Variants in CLSTN3 observed in about 807,000 individuals in gnomAD.
The protein encoded by CLSTN3 is calsyntenin-3.
Under a neutral mutation model 95.9 loss-of-function variants are expected in CLSTN3, and 36 were observed. The observed-to-expected ratio is 0.38, with a 90% confidence interval of 0.29 to 0.50. The LOEUF (loss-of-function observed/expected upper bound fraction) is 0.50. Among genes scored for constraint, CLSTN3 ranks in the 20% least tolerant of loss-of-function variants. The pLI is 0.95. For missense variants in CLSTN3, 1,084 were observed against 1,268.8 expected (o/e 0.85, Z 2.21); for synonymous variants, 481 against 504.0 (o/e 0.95, Z 0.61).
intron 16 of CLSTN3, among the ~76,000 whole-genome samples, chr12:7,151,642 A>T (rs1325740892): frequency 1.3e-5 from 2 of 152,214 alleles, no homozygotes; most frequent in Non-Finnish European, 2.9e-5. Flanking sequence ...CTTCAAAGCA[A>T]CCTGGCCGTG....
chr12:7,131,406 G>T (rs754717669), intron 1 of CLSTN3: 23 of 220,144 alleles, frequency 1.0e-4, no homozygotes, highest in Non-Finnish European at 1.6e-4. Context: ...GTGGGTGTGT[G>T]GGGGGCGCTA....
intron 1 of CLSTN3, among the ~76,000 whole-genome samples, chr12:7,132,023 C>T (rs1029949759): frequency 7.9e-5 from 12 of 151,646 alleles, no homozygotes; most frequent in Admixed American, 6.6e-5. Flanking sequence ...TTAGAGCAAG[C>T]GTGGAGGCTG....
At chr12:7,142,277 A>G (rs746788042) in intron 10 of CLSTN3, 138 bp downstream of exon 10, 1 of 700,596 alleles carries the variant, frequency 1.4e-6, no homozygotes, top group East Asian at 2.8e-5. Flanking sequence ...CAAGAAATAC[A>G]GCAGGGCAGG....
intron 8 of CLSTN3, among the ~76,000 whole-genome samples, chr12:7,139,247 G>C (rs1209955127): frequency 6.6e-6 from 1 of 152,222 alleles, no homozygotes; most frequent in Non-Finnish European, 1.5e-5. Flanking sequence ...GACTGGGGCA[G>C]AGCATGGCGG....
At chr12:7,129,990 C>G (rs1939248708), upstream of CLSTN3, 1 of 206,500 alleles carries the variant, frequency 4.8e-6, no homozygotes, top group Non-Finnish European at 8.8e-6. The surrounding 1 kb of genome is among the most constrained non-coding windows in gnomAD (Gnocchi z 5.5). Flanking sequence ...CCAGAGGGCA[C>G]GCAGCACGGA....
At chr12:7,146,241 C>T (rs1591618944) in intron 12 of CLSTN3, among the ~76,000 whole-genome samples, 5 of 152,086 alleles carry the variant, frequency 3.3e-5, no homozygotes, top group African/African-American at 7.2e-5. Flanking sequence ...GCCAGAAGTT[C>T]GAGACCAGCC....
In CLSTN3 at chr12:7,135,665, C is replaced by G. The variant is rs761455824; in HGVS notation, c.592+130C>G. On this transcript the variant is annotated intron_variant, in intron 4 of 17. Coordinates refer to ENST00000266546, the MANE Select transcript of CLSTN3 (RefSeq NM_014718.4). ...ACCTCACCCTTCTTCCCAAATGGAG[C>G]CTTCTCCTCCCAGATGCCTTTTTTC... 6.7e-6 allele frequency: 9 copies of G among 1,335,332 alleles called. No homozygotes were observed. The African/African-American group carries it at 1.0e-4, about 15-fold the overall frequency. The allele number at this position is 1,335,332 out of a possible 1,614,324, so 82.7% of individuals were successfully genotyped here. A position where few individuals can be genotyped will look rare whatever the true frequency, so the allele number is the denominator to read the frequency against.
chr12:7,140,300 G>A (rs145844579), intron 8 of CLSTN3, among the ~76,000 whole-genome samples: 1 of 152,114 alleles, frequency 6.6e-6, no homozygotes, highest in Non-Finnish European at 1.5e-5. Flanking sequence ...CACCTTACAC[G>A]TGTTAAATGT....
At chr12:7,131,927 T>C (rs1591612512) in intron 1 of CLSTN3, 1 of 456,196 alleles carries the variant, frequency 2.2e-6, no homozygotes, top group Non-Finnish European at 4.4e-6. Context: ...CGTGAGATAC[T>C]GGGGATGAGG....
Position 7,154,062 on chromosome 12 carries a change from C to T in CLSTN3, c.2527+2999C>T, listed in dbSNP as rs967398052. Among the ~76,000 whole-genome samples, 4 of 152,334 alleles carry T rather than the reference C, an allele frequency of 2.6e-5. No individual in the cohort carries two copies. In the East Asian group the frequency reaches 7.7e-4, roughly 29 times the overall value. The stretch of plus-strand genomic sequence containing the variant: ...GCAGCAGTTTTCCTTTGCTTCTTCT[C>T]TTATTTTGACCTGAATAGGACACAG... On this transcript the variant is annotated intron_variant, in intron 16 of 17. Transcript: ENST00000266546.
At chr12:7,139,187 A>G (rs1327964060) in intron 8 of CLSTN3, among the ~76,000 whole-genome samples, 1 of 152,248 alleles carries the variant, frequency 6.6e-6, no homozygotes, top group African/African-American at 2.4e-5. Context: ...AAGTAAATAG[A>G]CATGTAAAAT....
At chr12:7,154,434 A>G (rs1053213244) in intron 16 of CLSTN3, among the ~76,000 whole-genome samples, 3 of 152,194 alleles carry the variant, frequency 2.0e-5, no homozygotes, top group African/African-American at 7.2e-5. Context: ...TTGGACCTGA[A>G]CTGTAAAAGG....
Position 7,157,752 on chromosome 12 carries a change from G to A in CLSTN3, c.2730+61G>A, listed in dbSNP as rs758049421. On this transcript the variant is annotated intron_variant, in intron 17 of 17. Coordinates refer to ENST00000266546, the MANE Select transcript of CLSTN3 (RefSeq NM_014718.4). The surrounding 1 kb of genome is among the most constrained non-coding windows in gnomAD (Gnocchi z 5.9). ...AAGACTGTGGAGCACACACGGTGAGGACTCCTGAGGAGGGGCAGGCCTGGG... is the reference window on the plus strand; with the variant it reads ...AAGACTGTGGAGCACACACGGTGAGAACTCCTGAGGAGGGGCAGGCCTGGG... 4 of 1,524,480 alleles carry A rather than the reference G, an allele frequency of 2.6e-6. No homozygotes were observed. Among genetic ancestry groups the A allele is most frequent in the East Asian group, 4.9e-5 (2 of 40,652 alleles). The allele number at this position is 1,524,480 out of a possible 1,614,324, so 94.4% of individuals were successfully genotyped here.
chr12:7,136,855 T>C lies in CLSTN3; in HGVS notation c.955T>C (p.Leu319=). 6.2e-7 allele frequency: 1 copy of C among 1,614,112 alleles called. No homozygotes were observed. Among genetic ancestry groups the C allele is most frequent in the Non-Finnish European group, 8.5e-7 (1 of 1,179,986 alleles). Residue 319 remains leucine, a synonymous_variant, in exon 7 of 18, where the codon TTG becomes CTG. Coordinates refer to ENST00000266546, the MANE Select transcript of CLSTN3 (RefSeq NM_014718.4). ...CGAATGEVDL[L]PMPGPNANWT... is the part of the protein sequence containing the mutation. ...TGCTGCCACTGGGGAGGTGGATCTG[T>C]TGCCCATGCCTGGCCCCAATGCCAA...
chr12:7,138,677 A>G (rs970483933), intron 8 of CLSTN3: 2 of 152,060 alleles, frequency 1.3e-5, no homozygotes, highest in African/African-American at 4.8e-5. Flanking sequence ...AAATGGATAA[A>G]ATATTTAAAA....
chr12:7,139,582 G>GT (rs1433265019), intron 8 of CLSTN3, among the ~76,000 whole-genome samples: 1 of 151,956 alleles, frequency 6.6e-6, no homozygotes, highest in East Asian at 1.9e-4. Flanking sequence ...GACAGGAAGT[G>GT]TTTTTTGAAG....
intron 16 of CLSTN3, chr12:7,156,324 T>G (rs2135820050): frequency 4.4e-6 from 2 of 457,142 alleles, no homozygotes; most frequent in East Asian, 7.0e-5. Flanking sequence ...TTCTTCCTTG[T>G]GCTTCTTCGA....
At position 7,149,690 on chromosome 12, in the gene CLSTN3, G is replaced by A; in HGVS notation, c.2242G>A (p.Ala748Thr). ...CAACACATCTGCCTACCTCACTATT[G>A]CTGGTCAGTGGGGCCTGAGGGCCTG... Reference protein sequence around the residue: ...LTNTSAYLTIAGVESITVYEE... With the variant: ...LTNTSAYLTITGVESITVYEE... The change falls in exon 14 of 18, where the codon GCT becomes ACT. Residue 748 changes from alanine (A) to threonine (T), a missense_variant. By Grantham distance (58) the Ala-to-Thr change is moderately conservative. Coordinates refer to ENST00000266546, the MANE Select transcript of CLSTN3 (RefSeq NM_014718.4). This position sits in a 1 kb window ranked among gnomAD's most constrained non-coding sequence, Gnocchi z 4.5. The A allele has an allele frequency of 6.2e-7, 1 of 1,612,918 alleles. No homozygotes were observed. The highest frequency in any genetic ancestry group is 1.1e-5 in the South Asian group (1 of 90,916).
chr12:7,156,462 T>C (rs1431622082), intron 16 of CLSTN3: 1 of 456,642 alleles, frequency 2.2e-6, no homozygotes, highest in Non-Finnish European at 4.4e-6. Flanking sequence ...GCCCAGCTGG[T>C]GGGGAGCTGG....
Sources: allele counts gnomAD v4.1 joint callset (sites outside exome capture counted in the v4.1 genomes callset), GRCh38; gene constraint gnomAD v4.1.1; non-coding constraint Gnocchi (gnomAD v3.1); transcripts MANE v1.5; gene names NCBI Gene and HGNC (gene_info 2026-07-23, HGNC 2026-07-21).